Variants in ZDHHC11 observed in about 807,000 individuals in gnomAD.
ZDHHC11 encodes zDHHC palmitoyltransferase 11.
ZDHHC11 carries 44 observed loss-of-function variants against 51.3 expected under a neutral mutation model. The ratio of observed to expected loss-of-function variants is 0.86; its 90% CI spans 0.67 to 1.10. The LOEUF (loss-of-function observed/expected upper bound fraction) is 1.10, where lower values mean the gene tolerates loss of function less well. Ranked by LOEUF, ZDHHC11 falls within the 50% of genes least tolerant of loss-of-function variation. The pLI is 0.00. For missense variants in ZDHHC11, 400 were observed against 537.7 expected (o/e 0.74, Z 2.53); for synonymous variants, 163 against 222.0 (o/e 0.73, Z 2.36).
At chr5:819,008 A>G (rs1741206959) in intron 10 of ZDHHC11, among the ~76,000 whole-genome samples, 2 of 151,468 alleles carry the variant, frequency 1.3e-5, no homozygotes, top group South Asian at 4.2e-4. Flanking sequence ...ACAAACACAC[A>G]CCATTCACAC....
chr5:838,303 T>C (rs1259102128), intron 5 of ZDHHC11, among the ~76,000 whole-genome samples: 1 of 152,004 alleles, frequency 6.6e-6, no homozygotes, highest in African/African-American at 2.4e-5. Flanking sequence ...GTTAATAAAA[T>C]GGGCTCTGCA....
Position 850,707 on chromosome 5 carries a change from C to G in ZDHHC11, c.-105G>C. Reference sequence around the variant, plus strand: ...GGACTGGGAATGCAGCCGCCAGGACCAGCACTGACAGCCAATGGCCCAGCA... The same window carrying G: ...GGACTGGGAATGCAGCCGCCAGGACGAGCACTGACAGCCAATGGCCCAGCA... On this transcript the variant is annotated 5_prime_UTR_variant, in exon 1 of 13. Coordinates refer to ENST00000283441, the MANE Select transcript of ZDHHC11 (RefSeq NM_024786.3). The G allele has an allele frequency of 7.3e-7, 1 of 1,366,774 alleles. No homozygotes were observed. Among genetic ancestry groups the G allele is most frequent in the East Asian group, 2.3e-5 (1 of 42,726 alleles). 84.7% of individuals were successfully genotyped at this position (1,366,774 alleles called of 1,614,324 possible).
chr5:837,525 G>A, intron 5 of ZDHHC11, 45 bp from the exon 6 acceptor site: 1 of 1,588,288 alleles, frequency 6.3e-7, no homozygotes, highest in Non-Finnish European at 8.6e-7. Context: ...CAGCCCTGCG[G>A]CTTTGCACGG....
chr5:818,582 A>G (rs1448527798), intron 10 of ZDHHC11, among the ~76,000 whole-genome samples: 1 of 151,692 alleles, frequency 6.6e-6, no homozygotes, highest in Non-Finnish European at 1.5e-5. Flanking sequence ...CCCACAGCCT[A>G]GTACAGTGGC....
intron 10 of ZDHHC11, among the ~76,000 whole-genome samples, chr5:817,831 G>C (rs914276974): frequency 2.0e-5 from 3 of 151,230 alleles, no homozygotes; most frequent in Non-Finnish European, 3.0e-5. Context: ...CTTGTTTCTG[G>C]AGTTTCCAGT....
intron 11 of ZDHHC11, among the ~76,000 whole-genome samples, chr5:810,146 G>A (rs1739893404): frequency 3.2e-5 from 1 of 30,794 alleles, no homozygotes; most frequent in Non-Finnish European, 7.1e-5. Flanking sequence ...CTGGGAGGCT[G>A]CGTGAGTGCT....
At position 850,383 on chromosome 5, in the gene ZDHHC11, C is replaced by T. The variant is rs374151213; in HGVS notation, c.220G>A (p.Val74Met). 30 of 1,613,392 alleles carry T rather than the reference C, an allele frequency of 1.9e-5. No individual in the cohort carries two copies. Among genetic ancestry groups the T allele is most frequent in the African/African-American group, 1.3e-4 (10 of 74,922 alleles). ...LPHAWKYIAY[V>M]VTGGIFSFHL... The stretch of plus-strand genomic sequence containing the variant: ...CCATGCCACGATGAAAAGGATACCA[C>T]GTAGGCAATGTATTTCCACGCGTGA... The change falls in exon 1 of 13, where the codon GTG (valine) becomes ATG (methionine). Residue 74 changes from valine (V) to methionine (M), a missense_variant and splice_region_variant. Val to Met is a conservative substitution (Grantham distance 21, BLOSUM62 1). Transcript: ENST00000283441.
At chr5:859,003 C>T (rs1293895994), upstream of ZDHHC11, among the ~76,000 whole-genome samples, 1 of 152,088 alleles carries the variant, frequency 6.6e-6, no homozygotes, top group Non-Finnish European at 1.5e-5. Flanking sequence ...CTGGTCGACA[C>T]GGTAGCCATG....
At chr5:846,101 G>A (rs1174377193) in intron 3 of ZDHHC11, among the ~76,000 whole-genome samples, 2 of 150,438 alleles carry the variant, frequency 1.3e-5, no homozygotes, top group Non-Finnish European at 3.0e-5. Flanking sequence ...CTCTTCTCCA[G>A]GGGAGGAGGC....
chr5:802,915 G>T (rs1241906524), intron 11 of ZDHHC11, among the ~76,000 whole-genome samples: 13 of 146,346 alleles, frequency 8.9e-5, no homozygotes, highest in Non-Finnish European at 6.0e-5. Flanking sequence ...CAGTTACTTG[G>T]GAGGCTGAGG....
At chr5:804,494 A>G (rs1738959865) in intron 11 of ZDHHC11, among the ~76,000 whole-genome samples, 1 of 151,148 alleles carries the variant, frequency 6.6e-6, no homozygotes. Context: ...CTACACATCC[A>G]AGGAGCTCAA....
chr5:818,067 C>T (rs1436399674), intron 10 of ZDHHC11, among the ~76,000 whole-genome samples: 4 of 151,304 alleles, frequency 2.6e-5, no homozygotes, highest in Non-Finnish European at 4.4e-5. Flanking sequence ...CTGGAGCCCA[C>T]GGAGACGCGG....
chr5:841,595 C>T (rs1744978068), intron 4 of ZDHHC11: 2 of 997,218 alleles, frequency 2.0e-6, no homozygotes, highest in Admixed American at 6.1e-5. Context: ...AGCACCCATC[C>T]CTTGCTCATG....
At chr5:800,375 G>T (rs1738245015) in intron 12 of ZDHHC11, among the ~76,000 whole-genome samples, 1 of 150,662 alleles carries the variant, frequency 6.6e-6, no homozygotes, top group East Asian at 1.9e-4. Flanking sequence ...AGGGTGTAAA[G>T]CAGCTTGCTT....
intron 3 of ZDHHC11, among the ~76,000 whole-genome samples, 178 bp from the exon 4 acceptor site, chr5:843,902 AGGGGC>A (rs1745579356): frequency 4.8e-5 from 5 of 103,322 alleles, no homozygotes; most frequent in African/African-American, 2.4e-4. Flanking sequence ...GCGGGGAGGC[AGGGGC>A]AGGGACACGC....
Position 850,422 on chromosome 5 carries a change from T to G in ZDHHC11, c.181A>C (p.Ile61Leu). 6.2e-7 allele frequency: 1 copy of G among 1,613,516 alleles called. No homozygotes were observed. The highest frequency in any genetic ancestry group is 8.5e-7 in the Non-Finnish European group (1 of 1,179,994). ...GLSSATFGIF[I>L]PFLPHAWKYI... ...TTCCACGCGTGAGGCAGGAAGGGAA[T>G]GAAGATCCCGAAGGTGGCCGAGGAA... Residue 61 changes from isoleucine (I) to leucine (L), a missense_variant, in exon 1 of 13, where the codon ATT becomes CTT. Physicochemically the swap from Ile to Leu is conservative, Grantham distance 5. This residue lies in a region of ZDHHC11 where 119 missense variants were observed against 99.6 expected (regional missense o/e 1.20). Coordinates refer to ENST00000283441, the MANE Select transcript of ZDHHC11 (RefSeq NM_024786.3).
chr5:824,105 G>A (rs766098015), intron 8 of ZDHHC11: 5 of 454,692 alleles, frequency 1.1e-5, no homozygotes, highest in African/African-American at 2.0e-5. Context: ...TGCCCCCACA[G>A]GGAAGGAGAA....
chr5:797,319 T>C (rs1464727396), intron 12 of ZDHHC11, among the ~76,000 whole-genome samples: 1 of 151,792 alleles, frequency 6.6e-6, no homozygotes, highest in Non-Finnish European at 1.5e-5. Flanking sequence ...CACTGGGCTT[T>C]ATGAATCTGT....
intron 11 of ZDHHC11, among the ~76,000 whole-genome samples, chr5:809,243 G>C (rs1330991141): frequency 2.8e-5 from 4 of 141,796 alleles, no homozygotes; most frequent in African/African-American, 1.1e-4. Context: ...GCAGACATCT[G>C]CACCCCTCGC....
Sources: allele counts gnomAD v4.1 joint callset (sites outside exome capture counted in the v4.1 genomes callset), GRCh38; gene constraint gnomAD v4.1.1; regional missense constraint gnomAD v4.1.1; transcripts MANE v1.5; gene names NCBI Gene and HGNC (gene_info 2026-07-23, HGNC 2026-07-21).